Variants in GVQW3 observed in about 807,000 individuals in gnomAD.
GVQW3 encodes GVQW motif containing 3.
GVQW3 carries 7 observed loss-of-function variants against 12.5 expected under a neutral mutation model. The observed-to-expected ratio is 0.56, with a 90% CI of 0.32 to 1.05. The LOEUF (loss-of-function observed/expected upper bound fraction) is 1.05, where lower values mean the gene tolerates loss of function less well. Among genes scored for constraint, GVQW3 ranks in the 50% least tolerant of loss-of-function variants. GVQW3 has a pLI of 0.04. For synonymous variants in GVQW3, 71 were observed against 67.2 expected (o/e 1.06, Z -0.28); for missense variants, 188 against 190.8 (o/e 0.99, Z 0.09).
chr11:76,403,552 C>G, intron 1 of GVQW3, 108 bp from the exon 2 acceptor site: 1 of 416,944 alleles, frequency 2.4e-6, no homozygotes, highest in Non-Finnish European at 4.2e-6. Context: ...TCACTGCAGG[C>G]TTGCATTCCT....
intron 1 of GVQW3, among the ~76,000 whole-genome samples, chr11:76,394,659 C>G (rs1294706170): frequency 6.6e-6 from 1 of 152,160 alleles, no homozygotes; most frequent in African/African-American, 2.4e-5. Context: ...CATGGGAGTG[C>G]AGGTATCTCT....
chr11:76,381,628 G>A lies in GVQW3; in HGVS notation c.-201G>A. Reference sequence around the variant, plus strand: ...TTTCCCAGCTTTGCAGCGACTGTTGGCTTCCCAGAACGGATCTCCCCAGCC... The same window carrying A: ...TTTCCCAGCTTTGCAGCGACTGTTGACTTCCCAGAACGGATCTCCCCAGCC... On this transcript the variant is annotated 5_prime_UTR_variant, in exon 1 of 2. Transcript: ENST00000529331. 3.9e-6 allele frequency: 2 copies of A among 510,314 alleles called. No homozygotes were observed. The highest frequency in any genetic ancestry group is 6.8e-6 in the Non-Finnish European group (2 of 293,408). The allele number at this position is 510,314 out of a possible 1,614,324, so 31.6% of individuals were successfully genotyped here.
chr11:76,395,416 T>G (rs908980927), intron 1 of GVQW3, among the ~76,000 whole-genome samples: 1 of 152,264 alleles, frequency 6.6e-6, no homozygotes, highest in Non-Finnish European at 1.5e-5. Flanking sequence ...GTTACTTATT[T>G]TGTTGCTCAA....
In GVQW3 at chr11:76,381,500, C is replaced by T. The variant is rs574792618; in HGVS notation, c.-329C>T. 4 of 249,448 alleles carry T rather than the reference C, an allele frequency of 1.6e-5. No homozygotes were observed. The highest frequency in any genetic ancestry group is 2.3e-5 in the Non-Finnish European group (3 of 129,148). 15.5% of individuals were successfully genotyped at this position (249,448 alleles called of 1,614,324 possible). The stretch of plus-strand genomic sequence containing the variant: ...CCTTTCTTGCAGAATTCGCCATATA[C>T]TCCTTAAGGGCCGCGGAATCGGAGC... On this transcript the variant is annotated 5_prime_UTR_variant, in exon 1 of 2. Coordinates refer to ENST00000529331, the MANE Select transcript of GVQW3 (RefSeq NM_001347885.2).
At position 76,389,256 on chromosome 11, in the gene GVQW3, A is replaced by T. The variant is rs1001973937; in HGVS notation, c.465+6963A>T. Among the ~76,000 whole-genome samples, 3 of 152,246 alleles carry T rather than the reference A, an allele frequency of 2.0e-5. No individual in the cohort carries two copies. The East Asian group carries it at 5.8e-4, about 29-fold the overall frequency. On this transcript the variant is annotated intron_variant, in intron 1 of 1. Coordinates refer to ENST00000529331, the MANE Select transcript of GVQW3 (RefSeq NM_001347885.2). ...AATGACTTTTAAAAAGATGGAAAGG[A>T]TATGCAAACTCTGGGTAGTTGGATT...
At chr11:76,388,959 G>A (rs1946864532) in intron 1 of GVQW3, among the ~76,000 whole-genome samples, 1 of 152,168 alleles carries the variant, frequency 6.6e-6, no homozygotes, top group African/African-American at 2.4e-5. Flanking sequence ...TCTATCAGGA[G>A]CTTTAAAAAT....
chr11:76,410,656 A>T (rs1947073717), downstream of GVQW3, among the ~76,000 whole-genome samples: 1 of 152,150 alleles, frequency 6.6e-6, no homozygotes, highest in Non-Finnish European at 1.5e-5. Context: ...GCCTTCCCAG[A>T]TACCTCCAGG....
chr11:76,401,023 ATT>A, intron 1 of GVQW3, among the ~76,000 whole-genome samples: 1 of 150,254 alleles, frequency 6.7e-6, no homozygotes, highest in Admixed American at 6.6e-5. Context: ...TATGGCTTCT[ATT>A]TTTATATATA....
At chr11:76,400,049 A>ACACACG (rs769822780) in intron 1 of GVQW3, among the ~76,000 whole-genome samples, 9 of 147,646 alleles carry the variant, frequency 6.1e-5, no homozygotes, top group Non-Finnish European at 1.3e-4. Flanking sequence ...ACACACACAC[A>ACACACG]CGGATCTTGT....
intron 1 of GVQW3, among the ~76,000 whole-genome samples, chr11:76,389,203 A>G (rs1319453394): frequency 7.9e-5 from 12 of 152,264 alleles, no homozygotes; most frequent in Non-Finnish European, 1.8e-4. Context: ...AAAGAGTGAT[A>G]TACAAAATTG....
At chr11:76,394,073 GTTT>G in intron 1 of GVQW3, among the ~76,000 whole-genome samples, 1 of 151,926 alleles carries the variant, frequency 6.6e-6, no homozygotes, top group African/African-American at 2.4e-5. Flanking sequence ...CAATTTTTGT[GTTT>G]TTAGTAGAGA....
intron 1 of GVQW3, among the ~76,000 whole-genome samples, chr11:76,387,176 C>T (rs1946842924): frequency 6.6e-6 from 1 of 152,104 alleles, no homozygotes. Flanking sequence ...TGGCTCAGAC[C>T]TGTAATCCCA....
In GVQW3 at chr11:76,404,018, T is replaced by C. The variant is rs1284106497; in HGVS notation, c.*260T>C. The stretch of plus-strand genomic sequence containing the variant: ...CAAATGCTAATCTCTTCCGGAAACA[T>C]CCCCACAGACACACCCAGAAATAAT... On this transcript the variant is annotated 3_prime_UTR_variant, in exon 2 of 2. Coordinates refer to ENST00000529331, the MANE Select transcript of GVQW3 (RefSeq NM_001347885.2). 1.6e-6 allele frequency: 1 copy of C among 630,870 alleles called. No homozygotes were observed. Among genetic ancestry groups the C allele is most frequent in the African/African-American group, 1.8e-5 (1 of 55,386 alleles). The allele number at this position is 630,870 out of a possible 1,614,324, so 39.1% of individuals were successfully genotyped here.
intron 1 of GVQW3, among the ~76,000 whole-genome samples, chr11:76,390,576 C>T (rs981472653): frequency 4.5e-4 from 69 of 152,308 alleles, no homozygotes; most frequent in Non-Finnish European, 7.6e-4. Flanking sequence ...TGGCTCACGC[C>T]TGTAATCCCA....
chr11:76,382,032 C>T lies in GVQW3; in HGVS notation c.204C>T (p.Thr68=), dbSNP rs1218172370. 1 of 1,536,430 alleles carries T rather than the reference C, an allele frequency of 6.5e-7. No individual in the cohort carries two copies. The highest frequency in any genetic ancestry group is 2.0e-5 in the Admixed American group (1 of 51,008). Residue 68 remains threonine, a synonymous_variant, in exon 1 of 2, where the codon ACC becomes ACT. Transcript: ENST00000529331. ...ATGCCCGAAGTGGGCGTCCAGTCAC[C>T]CACCGAACAGATGACAATATCCAGA... The part of the protein sequence containing the change: ...RDDARSGRPV[T]HRTDDNIQKV...
chr11:76,381,864 C>G lies in GVQW3; in HGVS notation c.36C>G (p.Ile12Met), dbSNP rs929258614. The G allele has an allele frequency of 5.9e-6, 9 of 1,535,676 alleles. No homozygotes were observed. The African/African-American group carries it at 1.2e-4, about 21-fold the overall frequency. ...GCTATTTAGAACAAAGGATTAGTAT[C>G]AAATTTTGCGTGAAATTGAACAAGT... Reference protein sequence around the residue: ...SDRYLEQRISIKFCVKLNKSA... With the variant: ...SDRYLEQRISMKFCVKLNKSA... Residue 12 changes from isoleucine (I) to methionine (M), a missense_variant, in exon 1 of 2, where the codon ATC becomes ATG. Physicochemically the swap from Ile to Met is conservative, Grantham distance 10. Transcript: ENST00000529331.
exon 2 of GVQW3, chr11:76,413,403 C>A (rs540572736): frequency 6.6e-6 from 1 of 152,298 alleles, no homozygotes; most frequent in South Asian, 2.1e-4. Flanking sequence ...ACCGCTCTGC[C>A]ATCATGTTGA....
downstream of GVQW3, chr11:76,411,493 T>G (rs1947079399): frequency 6.6e-6 from 1 of 152,220 alleles, no homozygotes; most frequent in Non-Finnish European, 1.5e-5. Flanking sequence ...ACCTGAACTT[T>G]GGAGAGAGAA....
intron 1 of GVQW3, chr11:76,382,936 T>C (rs77540908): frequency 0.034 from 5,365 of 159,828 alleles, 329 homozygotes; most frequent in African/African-American, 0.12. Flanking sequence ...CATGCTGGTA[T>C]TACTGAACAG....
Sources: allele counts gnomAD v4.1 joint callset (sites outside exome capture counted in the v4.1 genomes callset), GRCh38; gene constraint gnomAD v4.1.1; transcripts MANE v1.5; gene names NCBI Gene and HGNC (gene_info 2026-07-23, HGNC 2026-07-21).